The following KCNQ3 variants were observed in gnomAD, a reference collection of about 807,000 sequenced individuals.
The protein encoded by KCNQ3 is potassium voltage-gated channel subfamily KQT member 3.
Under a neutral mutation model 92.5 loss-of-function variants are expected in KCNQ3, and 30 were observed. The ratio of observed to expected loss-of-function variants is 0.32; its 90% confidence interval spans 0.24 to 0.44. The LOEUF is 0.44. KCNQ3 is among the 20% of genes least tolerant of loss of function. The pLI is 1.00. For missense variants in KCNQ3, 913 were observed against 1,140.3 expected, an observed-to-expected ratio of 0.80 and a Z score of 2.87; for synonymous variants, 450 against 468.8, an observed-to-expected ratio of 0.96 and a Z score of 0.52.
At chr8:132,177,109 T>C (rs1026979459) in intron 4 of KCNQ3, among the ~76,000 whole-genome samples, 1 of 152,170 alleles carries the variant, frequency 6.6e-6, no homozygotes, top group Admixed American at 6.5e-5. Flanking sequence ...TTTTTCATAC[T>C]CTCTGGCCCC....
chr8:132,204,434 G>T (rs891770574), intron 1 of KCNQ3, among the ~76,000 whole-genome samples: 1 of 152,124 alleles, frequency 6.6e-6, no homozygotes, highest in African/African-American at 2.4e-5. Context: ...TCTCACATCT[G>T]GTCTACCTCT....
intron 1 of KCNQ3, among the ~76,000 whole-genome samples, chr8:132,266,995 A>C (rs2130487395): frequency 6.6e-6 from 1 of 152,328 alleles, no homozygotes; most frequent in African/African-American, 2.4e-5. Flanking sequence ...TAGAAAAGGA[A>C]GGCTAAAGAA....
At chr8:132,324,683 T>C (rs62520374) in intron 1 of KCNQ3, among the ~76,000 whole-genome samples, 1 of 152,208 alleles carries the variant, frequency 6.6e-6, no homozygotes, top group Non-Finnish European at 1.5e-5. Flanking sequence ...CATATAATTA[T>C]CTGAAACCAT....
chr8:132,346,464 A>AT (rs1182374360), intron 1 of KCNQ3, among the ~76,000 whole-genome samples: 1 of 152,174 alleles, frequency 6.6e-6, no homozygotes, highest in Non-Finnish European at 1.5e-5. Flanking sequence ...GTCCTCTGAA[A>AT]AGCCTCTGGT....
intron 9 of KCNQ3, among the ~76,000 whole-genome samples, chr8:132,149,641 A>G (rs889210560): frequency 6.6e-5 from 10 of 152,140 alleles, no homozygotes; most frequent in Non-Finnish European, 1.5e-5. Flanking sequence ...TCCTTTTACA[A>G]TACAATACTG....
At position 132,357,851 on chromosome 8, in the gene KCNQ3, C is replaced by A. The variant is rs150030479; in HGVS notation, c.386+122296G>T. ...TCCTCCAATCAGAACCTTCCCCTTG[C>A]ACTCCAATGAGTCACCTGCCATTCC... On this transcript the variant is annotated intron_variant, in intron 1 of 14. Transcript: ENST00000388996. 2.6e-5 allele frequency among the ~76,000 whole-genome samples: 4 copies of A among 152,340 alleles called. No individual in the cohort carries two copies. In the East Asian group the frequency reaches 7.7e-4, roughly 29 times the overall value.
intron 9 of KCNQ3, among the ~76,000 whole-genome samples, chr8:132,155,989 G>A (rs1825786741): frequency 6.6e-6 from 1 of 152,150 alleles, no homozygotes. Flanking sequence ...TCGAAGGCCT[G>A]TTTGGTTCCC....
At chr8:132,452,221 T>G (rs1821837647) in intron 1 of KCNQ3, among the ~76,000 whole-genome samples, 1 of 152,192 alleles carries the variant, frequency 6.6e-6, no homozygotes, top group East Asian at 1.9e-4. Flanking sequence ...AATGAAACAC[T>G]GTTTCCATCG....
intron 1 of KCNQ3, among the ~76,000 whole-genome samples, chr8:132,463,388 A>C (rs943806664): frequency 2.0e-5 from 3 of 152,236 alleles, no homozygotes; most frequent in African/African-American, 7.2e-5. Flanking sequence ...CAAAGCAAAC[A>C]AAACAGAAGC....
chr8:132,305,506 T>C (rs556210470), intron 1 of KCNQ3, among the ~76,000 whole-genome samples: 1 of 152,310 alleles, frequency 6.6e-6, no homozygotes, highest in African/African-American at 2.4e-5. Flanking sequence ...TCCTTGCTTA[T>C]CATATTTAAT....
intron 1 of KCNQ3, among the ~76,000 whole-genome samples, chr8:132,321,774 G>A (rs1817899459): frequency 6.6e-6 from 1 of 152,118 alleles, no homozygotes; most frequent in Non-Finnish European, 1.5e-5. Context: ...CTTTGGCCCA[G>A]GCTGTTCTTT....
rs777738568 is a variant in KCNQ3, at chr8:132,134,387, T to C, written c.1702A>G (p.Ile568Val). The change falls in exon 13 of 15, where the codon ATA becomes GTA. Residue 568 changes from isoleucine (I) to valine (V), a missense_variant and splice_region_variant. Physicochemically the swap from Ile to Val is conservative, Grantham distance 29 (BLOSUM62 3). Coordinates refer to ENST00000388996, the MANE Select transcript of KCNQ3 (RefSeq NM_004519.4). ...GGTCCAGGGGTGAAAATCATATCTA[T>C]TCTGAAAGAAACAAACAGAGCAGGG... ...LSRIKYLQTR[I>V]DMIFTPGPPS... is the part of the protein sequence containing the mutation. 1.2e-6 allele frequency: 2 copies of C among 1,603,370 alleles called. No individual in the cohort carries two copies. The highest frequency in any genetic ancestry group is 1.7e-4 in the Middle Eastern group (1 of 6,030).
In KCNQ3 at chr8:132,480,965, C is replaced by CGCCA. The variant is rs1268507109; in HGVS notation, c.-437_-434dup. ...GCCCGGTGCCAGCCGCCCTCCCGCC[C>CGCCA]GCCAGCCACACGCGCCGCCGCCGCC... On this transcript the variant is annotated 5_prime_UTR_variant, in exon 1 of 15. Transcript: ENST00000388996. 2 of 155,132 alleles carry CGCCA rather than the reference C, an allele frequency of 1.3e-5. No homozygotes were observed. Among genetic ancestry groups the CGCCA allele is most frequent in the East Asian group, 3.8e-4 (2 of 5,228 alleles). The allele number at this position is 155,132 out of a possible 1,614,324, so 9.6% of individuals were successfully genotyped here. A position where few individuals can be genotyped will look rare whatever the true frequency, so the allele number is the denominator to read the frequency against.
chr8:132,184,894 C>G (rs1325831784), intron 2 of KCNQ3, among the ~76,000 whole-genome samples: 1 of 152,176 alleles, frequency 6.6e-6, no homozygotes, highest in Non-Finnish European at 1.5e-5. Context: ...AGTAGTTAAA[C>G]AAGTTTTTCA....
chr8:132,263,393 G>A (rs1464172934), intron 1 of KCNQ3, among the ~76,000 whole-genome samples: 3 of 152,258 alleles, frequency 2.0e-5, no homozygotes, highest in Non-Finnish European at 2.9e-5. Flanking sequence ...TGATGCTGAC[G>A]GCTCCACCCT....
intron 1 of KCNQ3, among the ~76,000 whole-genome samples, chr8:132,460,211 AG>A (rs1822031487): frequency 6.6e-6 from 1 of 152,182 alleles, no homozygotes; most frequent in South Asian, 2.1e-4. Context: ...TCTGGATGCC[AG>A]GTGTGCTCAC....
At chr8:132,296,144 T>C (rs1817014386) in intron 1 of KCNQ3, among the ~76,000 whole-genome samples, 1 of 152,242 alleles carries the variant, frequency 6.6e-6, no homozygotes, top group South Asian at 2.1e-4. Context: ...CCAATTTGAA[T>C]GCCACATGTG....
chr8:132,132,621 T>A (rs1824920536), intron 13 of KCNQ3, among the ~76,000 whole-genome samples: 2 of 152,130 alleles, frequency 1.3e-5, no homozygotes, highest in Admixed American at 1.3e-4. Flanking sequence ...AGATTTGAGA[T>A]CTGAGACTTT....
intron 1 of KCNQ3, chr8:132,277,967 A>T: frequency 1.0e-6 from 1 of 985,078 alleles, no homozygotes. Context: ...CAAGCATCTC[A>T]CCTTCACCCC....
Sources: gnomAD v4.1 joint callset for allele counts (sites outside exome capture counted in the v4.1 genomes callset) on GRCh38, gnomAD v4.1.1 for gene constraint, MANE v1.5 for transcripts, NCBI Gene and HGNC (gene_info 2026-07-23, HGNC 2026-07-21) for gene names.